The following SCFD1 variants were observed in gnomAD, a reference collection of about 807,000 sequenced individuals.
SCFD1 encodes sec1 family domain-containing protein 1.
In SCFD1, 37 loss-of-function variants were observed where a neutral mutation model predicts 103.2. The observed-to-expected ratio is 0.36, with a 90% CI of 0.28 to 0.47. SCFD1 has a LOEUF of 0.47. SCFD1 is among the 20% of genes least tolerant of loss of function. The pLI is 1.00. For missense variants in SCFD1, 639 were observed against 761.2 expected (o/e 0.84, Z 1.89); for synonymous variants, 264 against 245.0 (o/e 1.08, Z -0.73).
In SCFD1 at chr14:30,735,813, C is replaced by A; in HGVS notation, c.*204C>A. 1 of 445,638 alleles carries A rather than the reference C, an allele frequency of 2.2e-6. No individual in the cohort carries two copies. The highest frequency in any genetic ancestry group is 5.0e-5 in the South Asian group (1 of 20,120). 27.6% of individuals were successfully genotyped at this position (445,638 alleles called of 1,614,324 possible). Reference sequence around the variant, plus strand: ...TCAGAAATAAAATTTCAACATTGTTCATTTTCTCTGATAAATCAGAAAGTA... The same window carrying A: ...TCAGAAATAAAATTTCAACATTGTTAATTTTCTCTGATAAATCAGAAAGTA... On this transcript the variant is annotated 3_prime_UTR_variant, in exon 25 of 25. Transcript: ENST00000458591.
At chr14:30,632,933 C>G (rs894653956) in intron 3 of SCFD1, among the ~76,000 whole-genome samples, 1 of 152,208 alleles carries the variant, frequency 6.6e-6, no homozygotes, top group Non-Finnish European at 1.5e-5. Flanking sequence ...GCCACCAGAG[C>G]ATGGAAATAT....
chr14:30,628,008 A>G (rs965609818), intron 1 of SCFD1, among the ~76,000 whole-genome samples: 2 of 151,950 alleles, frequency 1.3e-5, no homozygotes, highest in African/African-American at 2.4e-5. Flanking sequence ...GTTTTGGGAA[A>G]TCTCCCAAAT....
In SCFD1 at chr14:30,700,179, C is replaced by T. The variant is rs775582835; in HGVS notation, c.1340-9C>T. The T allele has an allele frequency of 1.8e-5, 29 of 1,595,800 alleles. No homozygotes were observed. Among genetic ancestry groups the T allele is most frequent in the Non-Finnish European group, 2.2e-5 (26 of 1,164,772 alleles). On this transcript the variant is annotated splice_polypyrimidine_tract_variant and intron_variant, in intron 15 of 24. Transcript: ENST00000458591. The stretch of plus-strand genomic sequence containing the variant: ...GAAAATATTTTTTAACCTCTTTTCC[C>T]CTATGCAGCAGGAACTCCAGAAGAT...
At position 30,674,971 on chromosome 14, in the gene SCFD1, T is replaced by C. The variant is rs776539283; in HGVS notation, c.1161-13T>C. On this transcript the variant is annotated splice_polypyrimidine_tract_variant and intron_variant, in intron 13 of 24. Coordinates refer to ENST00000458591, the MANE Select transcript of SCFD1 (RefSeq NM_016106.4). ...AATTTATTGGTTAATATTTAATTTTTTGATACTTGCAGTTCTTTGCCAGAA... is the reference window on the plus strand; with the variant it reads ...AATTTATTGGTTAATATTTAATTTTCTGATACTTGCAGTTCTTTGCCAGAA... The C allele has an allele frequency of 4.0e-6, 6 of 1,517,514 alleles. No individual in the cohort carries two copies. The allele number at this position is 1,517,514 out of a possible 1,614,324, so 94.0% of individuals were successfully genotyped here. A position where few individuals can be genotyped will look rare whatever the true frequency, so the allele number is the denominator to read the frequency against.
intron 11 of SCFD1, among the ~76,000 whole-genome samples, chr14:30,670,714 C>T (rs189701252): frequency 6.6e-6 from 1 of 152,058 alleles, no homozygotes; most frequent in Admixed American, 6.6e-5. Context: ...TTTAAATTGG[C>T]TTTTGTGATT....
chr14:30,646,690 A>C (rs955387678), intron 7 of SCFD1, among the ~76,000 whole-genome samples: 11 of 152,136 alleles, frequency 7.2e-5, no homozygotes, highest in Non-Finnish European at 1.5e-4. Context: ...TATTAGTAGT[A>C]TTGGTGCCAG....
At chr14:30,694,489 T>G (rs557969351) in intron 14 of SCFD1, among the ~76,000 whole-genome samples, 1 of 151,880 alleles carries the variant, frequency 6.6e-6, no homozygotes, top group African/African-American at 2.4e-5. Context: ...CTGCACAACA[T>G]AGCAAAACCC....
intron 13 of SCFD1, 45 bp downstream of exon 13, chr14:30,674,042 ATT>A: frequency 1.5e-6 from 2 of 1,348,540 alleles, no homozygotes; most frequent in Non-Finnish European, 2.0e-6. Context: ...TGTTGATAGG[ATT>A]TTTTTTTTAT....
intron 15 of SCFD1, among the ~76,000 whole-genome samples, chr14:30,696,073 G>A (rs59663807): frequency 0.045 from 6,829 of 152,196 alleles, 376 homozygotes; most frequent in East Asian, 0.29. Flanking sequence ...CAAATGGAAA[G>A]CCTAGGACCC....
In SCFD1 at chr14:30,692,893, C is replaced by T. The variant is rs1890417007; in HGVS notation, c.1243-1880C>T. Among the ~76,000 whole-genome samples the T allele has an allele frequency of 2.6e-5, 4 of 152,166 alleles. No individual in the cohort carries two copies. The South Asian group carries it at 8.3e-4, about 32-fold the overall frequency. ...CTTTCACTACTTTGTATCCCATATC[C>T]TTTCTCATGTAAATTATTAAATACC... On this transcript the variant is annotated intron_variant, in intron 14 of 24. Coordinates refer to ENST00000458591, the MANE Select transcript of SCFD1 (RefSeq NM_016106.4).
intron 14 of SCFD1, chr14:30,683,395 C>T: frequency 1.9e-6 from 1 of 538,496 alleles, no homozygotes. Context: ...TATATTGTGG[C>T]AGCTGCTCCA....
intron 16 of SCFD1, among the ~76,000 whole-genome samples, chr14:30,700,932 G>A (rs1891037663): frequency 6.6e-6 from 1 of 152,190 alleles, no homozygotes; most frequent in South Asian, 2.1e-4. Context: ...TAAAACTAAT[G>A]TCCAATGTAG....
At chr14:30,665,945 G>C (rs1887920198) in intron 10 of SCFD1, among the ~76,000 whole-genome samples, 2 of 152,080 alleles carry the variant, frequency 1.3e-5, no homozygotes, top group Non-Finnish European at 2.9e-5. Context: ...AAGAGACTTA[G>C]ACTCCCACAC....
In SCFD1 at chr14:30,700,234, A is replaced by C; in HGVS notation, c.1386A>C (p.Ile462=). 6.2e-7 allele frequency: 1 copy of C among 1,611,036 alleles called. No homozygotes were observed. The highest frequency in any genetic ancestry group is 8.5e-7 in the Non-Finnish European group (1 of 1,177,238). The change falls in exon 16 of 25, where the codon ATA becomes ATC. Residue 462 remains isoleucine, a synonymous_variant. Coordinates refer to ENST00000458591, the MANE Select transcript of SCFD1 (RefSeq NM_016106.4). ...TGAGGTTGTTTCTTATCTATTATAT[A>C]AGCACACAGCAAGCACCTTCTGAGG... ...DKMRLFLIYY[I]STQQAPSEAD...
intron 1 of SCFD1, among the ~76,000 whole-genome samples, chr14:30,623,300 A>T (rs536111206): frequency 6.6e-6 from 1 of 152,346 alleles, no homozygotes; most frequent in Admixed American, 6.5e-5. Context: ...TATAAATATG[A>T]ATAGGAAAAT....
At chr14:30,626,423 A>G (rs991525351) in intron 1 of SCFD1, among the ~76,000 whole-genome samples, 16 of 152,164 alleles carry the variant, frequency 1.1e-4, no homozygotes, top group African/African-American at 3.9e-4. Flanking sequence ...CCACCTGGAG[A>G]TTCATTCCTT....
intron 10 of SCFD1, among the ~76,000 whole-genome samples, chr14:30,660,390 A>C (rs1887329663): frequency 6.6e-6 from 1 of 152,166 alleles, no homozygotes; most frequent in Non-Finnish European, 1.5e-5. Flanking sequence ...CTGTTTTATT[A>C]CATCAGGAGG....
chr14:30,634,054 T>C lies in SCFD1; in HGVS notation c.312+17T>C. On this transcript the variant is annotated intron_variant, in intron 4 of 24. Coordinates refer to ENST00000458591, the MANE Select transcript of SCFD1 (RefSeq NM_016106.4). Reference sequence around the variant, plus strand: ...ATGTGCCAGGTAATATGGGTTCTTATTTTCTGGACTCCTGAATTTGGAAAT... The same window carrying C: ...ATGTGCCAGGTAATATGGGTTCTTACTTTCTGGACTCCTGAATTTGGAAAT... 7.1e-7 allele frequency: 1 copy of C among 1,405,492 alleles called. No individual in the cohort carries two copies. The highest frequency in any genetic ancestry group is 9.8e-7 in the Non-Finnish European group (1 of 1,019,874). 87.1% of individuals were successfully genotyped at this position (1,405,492 alleles called of 1,614,324 possible).
chr14:30,650,649 A>C lies in SCFD1; in HGVS notation c.754A>C (p.Ser252Arg). ...TGATACACTTGGAGCTGGCCAATTCAGGTATTACTGTTATTAAATACACTT... is the reference window on the plus strand; with the variant it reads ...TGATACACTTGGAGCTGGCCAATTCCGGTATTACTGTTATTAAATACACTT... ...TGDTLGAGQF[S>R]FQRPLLVLVD... The change falls in exon 9 of 25, where the codon AGC becomes CGC. Residue 252 changes from serine (S) to arginine (R), a missense_variant and splice_region_variant. By Grantham distance (110) the Ser-to-Arg change is moderately radical (BLOSUM62 -1). Transcript: ENST00000458591. 6.4e-7 allele frequency: 1 copy of C among 1,551,000 alleles called. No homozygotes were observed. Among genetic ancestry groups the C allele is most frequent in the Non-Finnish European group, 8.9e-7 (1 of 1,124,880 alleles).
Sources: allele counts gnomAD v4.1 joint callset (sites outside exome capture counted in the v4.1 genomes callset), GRCh38; gene constraint gnomAD v4.1.1; transcripts MANE v1.5; gene names NCBI Gene and HGNC (gene_info 2026-07-23, HGNC 2026-07-21).